REEP1: variants seen among roughly 807,000 people sequenced by gnomAD.
REEP1 encodes the protein receptor accessory protein 1.
REEP1 carries 22 observed loss-of-function variants against 40.3 expected under a neutral mutation model. That is an observed-to-expected ratio of 0.55 (90% CI 0.39 to 0.78). The LOEUF is 0.78. Ranked by LOEUF, REEP1 falls within the 30% of genes least tolerant of loss-of-function variation. The probability of loss-of-function intolerance (pLI) is 0.00; values close to 1 mark genes in which losing one functional copy is unlikely to be tolerated. For missense variants in REEP1, 280 were observed against 361.1 expected (o/e 0.78, Z 1.82); for synonymous variants, 116 against 139.2 (o/e 0.83, Z 1.17).
At chr2:86,268,549 C>T (rs1558902090) in intron 2 of REEP1, among the ~76,000 whole-genome samples, 1 of 152,136 alleles carries the variant, frequency 6.6e-6, no homozygotes, top group Non-Finnish European at 1.5e-5. Context: ...AAGATGTCAG[C>T]TCTTCCCAAC....
intron 2 of REEP1, among the ~76,000 whole-genome samples, chr2:86,271,948 C>A: frequency 6.6e-6 from 1 of 152,146 alleles, no homozygotes; most frequent in Non-Finnish European, 1.5e-5. Flanking sequence ...CTTGGCCAGG[C>A]GTGGTGGGTC....
At chr2:86,286,472 T>C (rs1165262675) in intron 1 of REEP1, among the ~76,000 whole-genome samples, 1 of 152,220 alleles carries the variant, frequency 6.6e-6, no homozygotes, top group African/African-American at 2.4e-5. Context: ...GTGTGCTGTT[T>C]CCTGGTCTTT....
chr2:86,317,835 G>T (rs1394467230), intron 1 of REEP1, among the ~76,000 whole-genome samples: 1 of 152,174 alleles, frequency 6.6e-6, no homozygotes, highest in East Asian at 1.9e-4. Context: ...TAGAGGAAAA[G>T]CACTTGTGTC....
At chr2:86,280,419 G>A (rs1678011023) in intron 2 of REEP1, among the ~76,000 whole-genome samples, 1 of 152,180 alleles carries the variant, frequency 6.6e-6, no homozygotes, top group African/African-American at 2.4e-5. Flanking sequence ...CAATTTACCA[G>A]GGTTTGATCT....
chr2:86,318,161 T>C (rs923514034), intron 1 of REEP1, among the ~76,000 whole-genome samples: 3 of 152,158 alleles, frequency 2.0e-5, no homozygotes, highest in Non-Finnish European at 4.4e-5. Context: ...GTGTCAACAT[T>C]TGAAGATCTG....
At chr2:86,246,229 G>T (rs1675948126) in intron 5 of REEP1, among the ~76,000 whole-genome samples, 1 of 152,174 alleles carries the variant, frequency 6.6e-6, no homozygotes, top group Non-Finnish European at 1.5e-5. Context: ...ACAAAGCATT[G>T]TTCTGTTTTT....
rs143488552 is a variant in REEP1, at chr2:86,316,404, C to T, written c.32+21075G>A. ...AAATACAAAACAAAAAAAAATTAGCCGGGTGTGGTGGTGGGTGCCTGTAAT... is the reference window on the plus strand; with the variant it reads ...AAATACAAAACAAAAAAAAATTAGCTGGGTGTGGTGGTGGGTGCCTGTAAT... On this transcript the variant is annotated intron_variant, in intron 1 of 8. Coordinates refer to ENST00000538924, the MANE Select transcript of REEP1 (RefSeq NM_001371279.1). 7.5e-3 allele frequency among the ~76,000 whole-genome samples: 1,140 copies of T among 151,082 alleles called. 25 individuals are homozygous for T. Among genetic ancestry groups the T allele is most frequent in the African/African-American group, 0.026 (1,052 of 41,106 alleles).
chr2:86,314,884 G>C (rs1679923545), intron 1 of REEP1, among the ~76,000 whole-genome samples: 1 of 151,666 alleles, frequency 6.6e-6, no homozygotes, highest in African/African-American at 2.4e-5. Flanking sequence ...CTAGAGATGA[G>C]GTCTCACTGT....
chr2:86,223,121 T>G (rs1283094086), intron 7 of REEP1, among the ~76,000 whole-genome samples: 1 of 152,238 alleles, frequency 6.6e-6, no homozygotes, highest in African/African-American at 2.4e-5. Flanking sequence ...GCTGCCACTA[T>G]GATGCCCAAA....
chr2:86,231,857 A>G (rs1276185584), intron 6 of REEP1, among the ~76,000 whole-genome samples: 1 of 152,170 alleles, frequency 6.6e-6, no homozygotes, highest in Non-Finnish European at 1.5e-5. Context: ...GGGGGGTCCC[A>G]AACACGGCTG....
chr2:86,307,201 CAAAAAAA>C (rs11289279), intron 1 of REEP1, among the ~76,000 whole-genome samples: 2 of 108,676 alleles, frequency 1.8e-5, no homozygotes, highest in African/African-American at 6.3e-5. Context: ...AATACTGTGT[CAAAAAAA>C]AAAAAAAAAG....
Position 86,252,081 on chromosome 2 carries a change from A to T in REEP1, c.304-11T>A. ...ACAATCATCGATTTCCTGTCAAAGGAAAAACAGAGGCACACTGAGCTGGAA... is the reference window on the plus strand; with the variant it reads ...ACAATCATCGATTTCCTGTCAAAGGTAAAACAGAGGCACACTGAGCTGGAA... On this transcript the variant is annotated splice_polypyrimidine_tract_variant and intron_variant, in intron 4 of 8. Coordinates refer to ENST00000538924, the MANE Select transcript of REEP1 (RefSeq NM_001371279.1). 4 of 1,572,180 alleles carry T rather than the reference A, an allele frequency of 2.5e-6. No homozygotes were observed. Among genetic ancestry groups the T allele is most frequent in the Non-Finnish European group, 3.5e-6 (4 of 1,141,766 alleles).
At chr2:86,325,938 C>A (rs1319460504) in intron 1 of REEP1, among the ~76,000 whole-genome samples, 1 of 152,224 alleles carries the variant, frequency 6.6e-6, no homozygotes, top group Non-Finnish European at 1.5e-5. Flanking sequence ...CTGTCCTCTG[C>A]CTTCTCTTCT....
At chr2:86,277,628 C>T (rs1677839121) in intron 2 of REEP1, among the ~76,000 whole-genome samples, 2 of 151,624 alleles carry the variant, frequency 1.3e-5, no homozygotes, top group Non-Finnish European at 2.9e-5. Context: ...ACCTCAGATT[C>T]CTCAGGAATA....
Position 86,337,616 on chromosome 2 carries a change from G to T in REEP1, c.-106C>A. The T allele has an allele frequency of 8.9e-7, 1 of 1,121,884 alleles. No homozygotes were observed. The highest frequency in any genetic ancestry group is 1.1e-6 in the Non-Finnish European group (1 of 917,664). 69.5% of individuals were successfully genotyped at this position (1,121,884 alleles called of 1,614,324 possible). On this transcript the variant is annotated 5_prime_UTR_variant, in exon 1 of 9. Transcript: ENST00000538924. The surrounding 1 kb of genome is among the most constrained non-coding windows in gnomAD (Gnocchi z 5.8). ...GAACGTCAGTCAGCTCACGGCAGCC[G>T]CCGCCAGACTGAGCGCGCCCGCCGC...
At chr2:86,261,574 C>T (rs1482544737) in intron 3 of REEP1, among the ~76,000 whole-genome samples, 1 of 152,144 alleles carries the variant, frequency 6.6e-6, no homozygotes, top group Non-Finnish European at 1.5e-5. Context: ...ATCTCAAGTA[C>T]CCAGGGACAC....
Position 86,227,437 on chromosome 2 carries a change from C to G in REEP1, c.596-39G>C, listed in dbSNP as rs1674767573. ...GTAGGGGCACCATCAGTGACATCCC[C>G]CACTGGACAGGAACCAGCCCCGGGC... On this transcript the variant is annotated intron_variant, in intron 6 of 8. Coordinates refer to ENST00000538924, the MANE Select transcript of REEP1 (RefSeq NM_001371279.1). 7.3e-6 allele frequency: 9 copies of G among 1,231,910 alleles called. No individual in the cohort carries two copies. The East Asian group carries it at 2.8e-4, about 39-fold the overall frequency. The allele number at this position is 1,231,910 out of a possible 1,614,324, so 76.3% of individuals were successfully genotyped here.
chr2:86,267,896 T>C (rs1558901679), intron 2 of REEP1, among the ~76,000 whole-genome samples: 1 of 151,460 alleles, frequency 6.6e-6, no homozygotes, highest in Non-Finnish European at 1.5e-5. Flanking sequence ...AAAGGGCCCA[T>C]AGTCTATTTA....
At chr2:86,333,892 A>G (rs1680884722) in intron 1 of REEP1, among the ~76,000 whole-genome samples, 1 of 152,224 alleles carries the variant, frequency 6.6e-6, no homozygotes, top group Admixed American at 6.5e-5. Flanking sequence ...AGGCTGAGCC[A>G]AGGAAGTTAG....
Sources: gnomAD v4.1 joint callset for allele counts (sites outside exome capture counted in the v4.1 genomes callset) on GRCh38, gnomAD v4.1.1 for gene constraint, Gnocchi (gnomAD v3.1) non-coding constraint, MANE v1.5 for transcripts, NCBI Gene and HGNC (gene_info 2026-07-23, HGNC 2026-07-21) for gene names.